FRY: variants seen among roughly 807,000 people sequenced by gnomAD.
FRY encodes FRY microtubule binding protein, also known as protein furry homolog.
A neutral mutation model predicts 348.4 loss-of-function variants in FRY; 128 were observed. That is an observed-to-expected ratio of 0.37 (90% CI 0.32 to 0.43). The LOEUF is 0.43. FRY is among the 20% of genes least tolerant of loss of function. FRY has a pLI of 1.00. For synonymous variants in FRY, 1,370 were observed against 1,374.7 expected, an observed-to-expected ratio of 1.00 and a Z score of 0.08; for missense variants, 2,736 against 3,695.2, an observed-to-expected ratio of 0.74 and a Z score of 6.73.
chr13:32,056,240 G>T (rs1422731572), intron 1 of FRY, among the ~76,000 whole-genome samples: 2 of 151,248 alleles, frequency 1.3e-5, no homozygotes, highest in Non-Finnish European at 2.9e-5. Context: ...GAGAATGGGT[G>T]ATCTTTGGAG....
At chr13:32,257,924 C>G in intron 51 of FRY, 1 of 1,568,712 alleles carries the variant, frequency 6.4e-7, no homozygotes, top group South Asian at 1.1e-5. Context: ...TGTAAATAGA[C>G]CTTTTGTTTG....
intron 43 of FRY, among the ~76,000 whole-genome samples, chr13:32,236,786 AT>A (rs1314079811): frequency 2.0e-5 from 3 of 152,100 alleles, no homozygotes; most frequent in African/African-American, 7.2e-5. Context: ...TAAGTTGAGC[AT>A]TTTTTATGGA....
At chr13:32,107,449 A>C (rs1241056184) in intron 3 of FRY, among the ~76,000 whole-genome samples, 1 of 152,234 alleles carries the variant, frequency 6.6e-6, no homozygotes, top group African/African-American at 2.4e-5. Context: ...GGAGAAATAT[A>C]CTAGTGAATG....
rs968276714 is a variant in FRY, at chr13:32,208,824, T to G, written c.4019-29T>G. 1.9e-6 allele frequency: 3 copies of G among 1,613,624 alleles called. No homozygotes were observed. The African/African-American group carries it at 4.0e-5, about 22-fold the overall frequency. ...TTATTTTGGTGGAATAAGGTATGGA[T>G]GACTCTCTGTCACTGCAATTCTCTT... On this transcript the variant is annotated intron_variant, in intron 31 of 60. Coordinates refer to ENST00000542859, the MANE Select transcript of FRY (RefSeq NM_023037.3).
At chr13:32,276,076 A>G (rs1358598531) in intron 56 of FRY, among the ~76,000 whole-genome samples, 3 of 152,362 alleles carry the variant, frequency 2.0e-5, no homozygotes, top group Admixed American at 6.5e-5. Context: ...CTTAAGGTAT[A>G]GATTAAATAC....
rs573975741 is a variant in FRY at position 32,050,477 on chromosome 13, C to T, written c.70+18612C>T. 7.5e-4 allele frequency among the ~76,000 whole-genome samples: 114 copies of T among 152,250 alleles called. 1 individual carries two copies. Among genetic ancestry groups the T allele is most frequent in the South Asian group, 1.7e-3 (8 of 4,826 alleles). Reference sequence around the variant, plus strand: ...ACACAGGCATTAGCAGTTGTTTCACCTTTCTTTCTATCCTTCAGGGATAGC... The same window carrying T: ...ACACAGGCATTAGCAGTTGTTTCACTTTTCTTTCTATCCTTCAGGGATAGC... On this transcript the variant is annotated intron_variant, in intron 1 of 60. Coordinates refer to ENST00000542859, the MANE Select transcript of FRY (RefSeq NM_023037.3).
intron 2 of FRY, among the ~76,000 whole-genome samples, chr13:32,095,529 G>C (rs151108847): frequency 6.6e-6 from 1 of 151,920 alleles, no homozygotes; most frequent in African/African-American, 2.4e-5. Context: ...ATTTTTGGTA[G>C]AGACGGGATT....
chr13:32,123,094 T>C (rs1878779436), intron 4 of FRY, among the ~76,000 whole-genome samples: 1 of 152,142 alleles, frequency 6.6e-6, no homozygotes, highest in Non-Finnish European at 1.5e-5. Flanking sequence ...AGAATCAATA[T>C]TGTGAAAATG....
intron 31 of FRY, among the ~76,000 whole-genome samples, chr13:32,203,584 A>T (rs192557477): frequency 4.5e-4 from 69 of 152,216 alleles, no homozygotes; most frequent in Non-Finnish European, 1.2e-4. Context: ...TTAGCTGGGC[A>T]TGGTGGCCCA....
At chr13:32,048,491 G>C (rs566291608) in intron 1 of FRY, among the ~76,000 whole-genome samples, 77 of 152,226 alleles carry the variant, frequency 5.1e-4, no homozygotes, top group Non-Finnish European at 1.0e-3. Context: ...CAGCCAACTT[G>C]AGGAAACATT....
Position 32,297,500 on chromosome 13 carries a change from G to T in FRY, c.*2040G>T, listed in dbSNP as rs969249850. On this transcript the variant is annotated 3_prime_UTR_variant, in exon 61 of 61. Coordinates refer to ENST00000542859, the MANE Select transcript of FRY (RefSeq NM_023037.3). ...ACCGTGATGGTTTACTCTTAAAAAG[G>T]GAAGGAAAAAAAAAAAGGATTTCAA... is the stretch of plus-strand genomic sequence containing the variant. The T allele has an allele frequency of 1.5e-4, 23 of 150,514 alleles. No individual in the cohort carries two copies. The highest frequency in any genetic ancestry group is 5.1e-4 in the African/African-American group (21 of 40,900). 9.3% of individuals were successfully genotyped at this position (150,514 alleles called of 1,614,324 possible).
intron 1 of FRY, among the ~76,000 whole-genome samples, chr13:32,069,761 C>T (rs1466416185): frequency 6.6e-6 from 1 of 152,052 alleles, no homozygotes; most frequent in South Asian, 2.1e-4. Flanking sequence ...ATGTGCACAA[C>T]GTGCAGGTTT....
intron 28 of FRY, among the ~76,000 whole-genome samples, chr13:32,192,063 G>A (rs1348305216): frequency 3.9e-5 from 6 of 152,118 alleles, no homozygotes; most frequent in African/African-American, 1.2e-4. Flanking sequence ...AGACAGGCTG[G>A]TGTTTAAGAG....
intron 1 of FRY, among the ~76,000 whole-genome samples, chr13:32,041,479 A>T (rs144136825): frequency 2.6e-5 from 4 of 151,938 alleles, no homozygotes; most frequent in Non-Finnish European, 5.9e-5. Context: ...TTTTTAGTGG[A>T]GACGGGGTTT....
At chr13:32,153,942 T>C (rs183294603) in intron 14 of FRY, among the ~76,000 whole-genome samples, 1 of 152,320 alleles carries the variant, frequency 6.6e-6, no homozygotes. Flanking sequence ...TAAATTATTT[T>C]TGAAGTTAAC....
At chr13:32,137,121 C>A in intron 11 of FRY, 149 bp downstream of exon 11, 1 of 658,004 alleles carries the variant, frequency 1.5e-6, no homozygotes, top group South Asian at 1.7e-5. Context: ...AATAAGAGTT[C>A]TTATTAAATA....
chr13:32,207,022 G>T (rs1884391673), intron 31 of FRY, among the ~76,000 whole-genome samples: 1 of 152,162 alleles, frequency 6.6e-6, no homozygotes, highest in Non-Finnish European at 1.5e-5. Flanking sequence ...TTTAAAAAGG[G>T]AACTACCCTT....
At chr13:32,234,225 C>A (rs1886089728) in intron 41 of FRY, among the ~76,000 whole-genome samples, 1 of 151,114 alleles carries the variant, frequency 6.6e-6, no homozygotes. Flanking sequence ...AGTTCAAGAC[C>A]AGCCTTGGCA....
chr13:32,203,507 G>A (rs1187768121), intron 31 of FRY, among the ~76,000 whole-genome samples: 1 of 152,088 alleles, frequency 6.6e-6, no homozygotes, highest in African/African-American at 2.4e-5. Flanking sequence ...CTAATCACCT[G>A]AGGTCAGGAG....
Sources: gnomAD v4.1 joint callset for allele counts (sites outside exome capture counted in the v4.1 genomes callset) on GRCh38, gnomAD v4.1.1 for gene constraint, MANE v1.5 for transcripts, NCBI Gene and HGNC (gene_info 2026-07-23, HGNC 2026-07-21) for gene names.